PDE3A: variants seen among roughly 807,000 people sequenced by gnomAD.
The protein encoded by PDE3A is phosphodiesterase 3A, also known as cGMP-inhibited 3',5'-cyclic phosphodiesterase 3A.
Under a neutral mutation model 98.3 loss-of-function variants are expected in PDE3A, and 43 were observed. The ratio of observed to expected loss-of-function variants is 0.44; its 90% confidence interval spans 0.34 to 0.56. The LOEUF (loss-of-function observed/expected upper bound fraction) is 0.56, where lower values mean the gene tolerates loss of function less well. Ranked by LOEUF, PDE3A falls within the 20% of genes least tolerant of loss-of-function variation. The pLI is 0.01. For missense variants in PDE3A, 1,427 were observed against 1,440.7 expected, an observed-to-expected ratio of 0.99 and a Z score of 0.15; for synonymous variants, 663 against 567.9, an observed-to-expected ratio of 1.17 and a Z score of -2.38.
chr12:20,370,827 T>A lies in PDE3A; in HGVS notation c.960+583T>A, dbSNP rs185457178. Among the ~76,000 whole-genome samples the A allele has an allele frequency of 3.9e-5, 6 of 152,338 alleles. No individual in the cohort carries two copies. In the East Asian group the frequency reaches 1.2e-3, roughly 29 times the overall value. The stretch of plus-strand genomic sequence containing the variant: ...AAGTTTTATTTGGAGAGACTGCAGC[T>A]GATGGTGCCCAATTTGTTTTTAAAT... On this transcript the variant is annotated intron_variant, in intron 1 of 15. Transcript: ENST00000359062.
At chr12:20,609,585 A>G (rs1196134814) in intron 2 of PDE3A, among the ~76,000 whole-genome samples, 1 of 152,050 alleles carries the variant, frequency 6.6e-6, no homozygotes, top group African/African-American at 2.4e-5. Flanking sequence ...AAAAAACCCC[A>G]AATAGCCAAA....
At chr12:20,438,939 G>A (rs1200977610) in intron 1 of PDE3A, among the ~76,000 whole-genome samples, 3 of 151,812 alleles carry the variant, frequency 2.0e-5, no homozygotes, top group East Asian at 3.9e-4. Flanking sequence ...CTATAGGCAC[G>A]TACCACCACG....
At chr12:20,387,127 CTA>C (rs1278762405) in intron 1 of PDE3A, among the ~76,000 whole-genome samples, 1 of 152,024 alleles carries the variant, frequency 6.6e-6, no homozygotes, top group Non-Finnish European at 1.5e-5. Flanking sequence ...TTCCATTGGT[CTA>C]TGTGTCTGTT....
chr12:20,456,504 C>A (rs1945153441), intron 1 of PDE3A, among the ~76,000 whole-genome samples: 1 of 152,044 alleles, frequency 6.6e-6, no homozygotes, highest in African/African-American at 2.4e-5. Context: ...GAACCAAACC[C>A]TATGTAAACT....
At chr12:20,466,922 G>A (rs1945349317) in intron 1 of PDE3A, among the ~76,000 whole-genome samples, 1 of 152,056 alleles carries the variant, frequency 6.6e-6, no homozygotes, top group African/African-American at 2.4e-5. Flanking sequence ...ATAGTTATGA[G>A]TGCAAAAAAT....
chr12:20,649,100 A>AT (rs57663785), intron 13 of PDE3A, among the ~76,000 whole-genome samples: 3,846 of 149,386 alleles, frequency 0.026, 168 homozygotes, highest in African/African-American at 0.089. Flanking sequence ...TAATTTTTGT[A>AT]TTTTTTTTTT....
At chr12:20,662,368 T>G (rs778675862) in intron 15 of PDE3A, among the ~76,000 whole-genome samples, 1 of 150,632 alleles carries the variant, frequency 6.6e-6, no homozygotes, top group Non-Finnish European at 1.5e-5. Flanking sequence ...GTCACTCTTG[T>G]TTTGCTTACC....
At chr12:20,402,670 A>G (rs1233041883) in intron 1 of PDE3A, among the ~76,000 whole-genome samples, 1 of 152,246 alleles carries the variant, frequency 6.6e-6, no homozygotes, top group African/African-American at 2.4e-5. Flanking sequence ...ACACTAAAAA[A>G]TTTTGAGCAA....
At chr12:20,607,458 AG>A (rs1405270500) in intron 2 of PDE3A, among the ~76,000 whole-genome samples, 3 of 151,700 alleles carry the variant, frequency 2.0e-5, no homozygotes, top group Non-Finnish European at 2.9e-5. Context: ...AAAAGAAAAA[AG>A]AAAAAAAAAC....
chr12:20,517,027 G>A (rs994713897), intron 1 of PDE3A, among the ~76,000 whole-genome samples: 3 of 152,312 alleles, frequency 2.0e-5, no homozygotes, highest in Middle Eastern at 3.4e-3. Context: ...ATTTGCTCGT[G>A]TCTCACAGGC....
intron 2 of PDE3A, among the ~76,000 whole-genome samples, chr12:20,588,838 C>G (rs1217631626): frequency 6.6e-6 from 1 of 152,158 alleles, no homozygotes; most frequent in Non-Finnish European, 1.5e-5. Flanking sequence ...ACACCTCAAC[C>G]CTTCCCACTG....
chr12:20,541,015 A>G (rs1376609941), intron 1 of PDE3A, among the ~76,000 whole-genome samples: 1 of 150,910 alleles, frequency 6.6e-6, no homozygotes, highest in Non-Finnish European at 1.5e-5. Context: ...TAATCAAAAA[A>G]CCAAGTATCC....
Position 20,385,983 on chromosome 12 carries a change from T to TAATATATATAAAATATATATATA in PDE3A, c.960+15784_960+15806dup, listed in dbSNP as rs1458216389. On this transcript the variant is annotated intron_variant, in intron 1 of 15. Coordinates refer to ENST00000359062, the MANE Select transcript of PDE3A (RefSeq NM_000921.5). The stretch of plus-strand genomic sequence containing the variant: ...ATTAATTATATTAATTATTAATATA[T>TAATATATATAAAATATATATATA]AATATATATAAAATATATATATAAA... 9.7e-3 allele frequency among the ~76,000 whole-genome samples: 675 copies of TAATATATATAAAATATATATATA among 69,434 alleles called. 63 individuals carry two copies. Among genetic ancestry groups the TAATATATATAAAATATATATATA allele is most frequent in the South Asian group, 0.014 (33 of 2,318 alleles). The allele number at this position is 69,434 out of a possible 152,430, so 45.6% of individuals were successfully genotyped here.
At chr12:20,628,931 A>G (rs1374464387) in intron 5 of PDE3A, among the ~76,000 whole-genome samples, 2 of 152,214 alleles carry the variant, frequency 1.3e-5, no homozygotes, top group Non-Finnish European at 2.9e-5. Flanking sequence ...AACCACACAC[A>G]TAATTTGATG....
intron 2 of PDE3A, among the ~76,000 whole-genome samples, chr12:20,592,547 A>C (rs1184440171): frequency 5.3e-5 from 8 of 152,172 alleles, no homozygotes; most frequent in Non-Finnish European, 1.0e-4. Flanking sequence ...CTTTCTGTGA[A>C]GTGTCCACCT....
chr12:20,611,056 C>T (rs1200463583), intron 2 of PDE3A, among the ~76,000 whole-genome samples: 1 of 151,770 alleles, frequency 6.6e-6, no homozygotes, highest in African/African-American at 2.4e-5. Flanking sequence ...GCTCTTGTCA[C>T]AAAAATACTA....
chr12:20,644,721 T>C (rs1180124973), intron 10 of PDE3A, among the ~76,000 whole-genome samples: 2 of 152,084 alleles, frequency 1.3e-5, no homozygotes, highest in East Asian at 3.9e-4. Context: ...AAATTGCTCT[T>C]TCAAGTACCA....
At chr12:20,653,121 C>CT (rs1944960187) in intron 14 of PDE3A, among the ~76,000 whole-genome samples, 1 of 151,984 alleles carries the variant, frequency 6.6e-6, no homozygotes, top group Non-Finnish European at 1.5e-5. Context: ...AAAAATCTCC[C>CT]TTTTTTCCTC....
At chr12:20,487,009 AT>A (rs1945738108) in intron 1 of PDE3A, among the ~76,000 whole-genome samples, 2 of 152,158 alleles carry the variant, frequency 1.3e-5, no homozygotes, top group Admixed American at 1.3e-4. Flanking sequence ...CATTACTTGA[AT>A]TTTTTTCATA....
Sources: allele counts gnomAD v4.1 joint callset (sites outside exome capture counted in the v4.1 genomes callset), GRCh38; gene constraint gnomAD v4.1.1; transcripts MANE v1.5; gene names NCBI Gene and HGNC (gene_info 2026-07-23, HGNC 2026-07-21).